Variants in KCTD17 observed in about 807,000 individuals in gnomAD.
KCTD17 encodes BTB/POZ domain-containing protein KCTD17.
A neutral mutation model predicts 41.5 loss-of-function variants in KCTD17; 20 were observed. The observed-to-expected ratio is 0.48, with a 90% confidence interval of 0.34 to 0.70. KCTD17 has a LOEUF of 0.70. Ranked by LOEUF, KCTD17 falls within the 30% of genes least tolerant of loss-of-function variation. KCTD17 has a pLI of 0.01. For synonymous variants in KCTD17, 156 were observed against 173.8 expected, an observed-to-expected ratio of 0.90 and a Z score of 0.80; for missense variants, 317 against 427.2, an observed-to-expected ratio of 0.74 and a Z score of 2.27.
At chr22:37,060,711 G>C (rs1311126888) in intron 5 of KCTD17, 112 bp from the exon 6 acceptor site, 16 of 1,398,574 alleles carry the variant, frequency 1.1e-5, no homozygotes, top group African/African-American at 2.9e-5. Context: ...CCCCTCTCCT[G>C]AGGTCCCTTT....
chr22:37,059,292 C>G, intron 4 of KCTD17, 21 bp from the exon 5 acceptor site: 1 of 1,610,630 alleles, frequency 6.2e-7, no homozygotes, highest in Non-Finnish European at 8.5e-7. Context: ...GCATTTTTCT[C>G]CCCATGCTCC....
At chr22:37,057,775 G>A (rs576649422) in intron 4 of KCTD17, among the ~76,000 whole-genome samples, 2 of 152,348 alleles carry the variant, frequency 1.3e-5, no homozygotes, top group African/African-American at 4.8e-5. Flanking sequence ...TCTATCTGGT[G>A]GCATGAGTGA....
At chr22:37,056,823 G>A (rs1449359768) in intron 3 of KCTD17, among the ~76,000 whole-genome samples, 2 of 152,156 alleles carry the variant, frequency 1.3e-5, no homozygotes, top group African/African-American at 2.4e-5. Context: ...TCAGATGGTC[G>A]CCTGGTGGGC....
chr22:37,058,185 G>A (rs1041127886), intron 4 of KCTD17, among the ~76,000 whole-genome samples: 2 of 152,210 alleles, frequency 1.3e-5, no homozygotes, highest in Admixed American at 6.5e-5. Context: ...GGGTTGGCTA[G>A]CCTTTCTCCA....
chr22:37,057,318 G>A, intron 3 of KCTD17, 80 bp from the exon 4 acceptor site: 1 of 1,027,558 alleles, frequency 9.7e-7, no homozygotes, highest in Non-Finnish European at 1.5e-6. Context: ...TTGCGGGGGT[G>A]GTGGCAGCAG....
chr22:37,062,814 T>C lies in KCTD17; in HGVS notation c.*220T>C, dbSNP rs960207120. On this transcript the variant is annotated 3_prime_UTR_variant, in exon 9 of 9. Transcript: ENST00000403888. ...AGATGTGTGGCAATGTCTGGCTGTGTCTCTCCGGCACCTGCGTCCCCTCTC... is the reference window on the plus strand; with the variant it reads ...AGATGTGTGGCAATGTCTGGCTGTGCCTCTCCGGCACCTGCGTCCCCTCTC... 1.6e-5 allele frequency: 17 copies of C among 1,044,376 alleles called. No homozygotes were observed. Among genetic ancestry groups the C allele is most frequent in the Middle Eastern group, 6.4e-4 (2 of 3,148 alleles). The allele number at this position is 1,044,376 out of a possible 1,614,324, so 64.7% of individuals were successfully genotyped here. A position where few individuals can be genotyped will look rare whatever the true frequency, so the allele number is the denominator to read the frequency against.
rs188337530 is a variant in KCTD17 at position 37,062,628 on chromosome 22, G to A, written c.*34G>A. 514 of 1,597,918 alleles carry A rather than the reference G, an allele frequency of 3.2e-4. 2 individuals carry two copies. In the African/African-American group the frequency reaches 4.7e-3, roughly 14 times the overall value. On this transcript the variant is annotated 3_prime_UTR_variant, in exon 9 of 9. Transcript: ENST00000403888. Reference sequence around the variant, plus strand: ...ATTTTTGTACCATGGGGTGGGCCCCGGGCCTGAGAAGGAAGAAGCACCCTC... The same window carrying A: ...ATTTTTGTACCATGGGGTGGGCCCCAGGCCTGAGAAGGAAGAAGCACCCTC...
In KCTD17 at chr22:37,051,791, C is replaced by T; in HGVS notation, c.31C>T (p.Pro11Ser). 8.0e-7 allele frequency: 1 copy of T among 1,256,546 alleles called. No individual in the cohort carries two copies. The highest frequency in any genetic ancestry group is 1.0e-6 in the Non-Finnish European group (1 of 1,002,326). The allele number at this position is 1,256,546 out of a possible 1,614,324, so 77.8% of individuals were successfully genotyped here. A position where few individuals can be genotyped will look rare whatever the true frequency, so the allele number is the denominator to read the frequency against. The change falls in exon 1 of 9, where the codon CCG becomes TCG. Residue 11 changes from proline (P) to serine (S), a missense_variant. By Grantham distance (74) the Pro-to-Ser change is moderately conservative (BLOSUM62 -1). Transcript: ENST00000403888. ...GATGGAGGCCGGGGAGGCAGCGCCG[C>T]CGGCGGGGGCGGGCGGCCGCGCCGC... MRMEAGEAAP[P>S]AGAGGRAAGG...
chr22:37,057,653 G>C (rs2145978764), intron 4 of KCTD17, among the ~76,000 whole-genome samples, 160 bp downstream of exon 4: 1 of 152,318 alleles, frequency 6.6e-6, no homozygotes. Flanking sequence ...AAGGTTAGGA[G>C]AGACCACACT....
chr22:37,060,760 G>T (rs1925680696), intron 5 of KCTD17, 63 bp from the exon 6 acceptor site: 6 of 1,441,448 alleles, frequency 4.2e-6, no homozygotes, highest in Non-Finnish European at 5.5e-6. Flanking sequence ...ATAGCCAGCA[G>T]GCCCTGGCCC....
Position 37,062,582 on chromosome 22 carries a change from G to T in KCTD17, c.933G>T (p.Gly311=). The T allele has an allele frequency of 6.2e-7, 1 of 1,613,226 alleles. No individual in the cohort carries two copies. The highest frequency in any genetic ancestry group is 8.5e-7 in the Non-Finnish European group (1 of 1,179,662). The change falls in exon 9 of 9, where the codon GGG becomes GGT. Residue 311 remains glycine (G), a synonymous_variant. Coordinates refer to ENST00000403888, the MANE Select transcript of KCTD17 (RefSeq NM_001282684.2). The part of the protein sequence containing the change: ...CEAPDHLQGL[G]VPI The stretch of plus-strand genomic sequence containing the variant: ...CCCCAGATCACCTCCAGGGACTTGG[G>T]GTTCCCATCTGAAATCCTTTATTTT...
At chr22:37,056,181 C>T (rs1328075299) in intron 2 of KCTD17, 139 bp from the exon 3 acceptor site, 3 of 634,150 alleles carry the variant, frequency 4.7e-6, no homozygotes, top group Non-Finnish European at 8.4e-6. Flanking sequence ...TCTTACTTGA[C>T]CCCTGAACTC....
At chr22:37,052,099 G>A (rs1924558142) in intron 1 of KCTD17, 150 bp downstream of exon 1, 1 of 950,602 alleles carries the variant, frequency 1.1e-6, no homozygotes, top group East Asian at 3.5e-5. Context: ...AGGAGGAGGG[G>A]AGGGGGAGGT....
rs201608256 is a variant in KCTD17, at chr22:37,061,495, C to A, written c.785-44C>A. On this transcript the variant is annotated intron_variant, in intron 7 of 8. Transcript: ENST00000403888. The surrounding 1 kb of genome is among the most constrained non-coding windows in gnomAD (Gnocchi z 6.6). ...GGGCCCTGGCTGCAGGCCCTGCCCCCCCTCCTCTCCTCCCGGCCTCCTCCT... is the reference window on the plus strand; with the variant it reads ...GGGCCCTGGCTGCAGGCCCTGCCCCACCTCCTCTCCTCCCGGCCTCCTCCT... 4.3e-5 allele frequency: 67 copies of A among 1,575,808 alleles called. No individual in the cohort carries two copies. Among genetic ancestry groups the A allele is most frequent in the South Asian group, 2.4e-4 (21 of 87,602 alleles).
chr22:37,058,718 G>C (rs138793540), intron 4 of KCTD17, among the ~76,000 whole-genome samples: 1 of 152,320 alleles, frequency 6.6e-6, no homozygotes, highest in African/African-American at 2.4e-5. Context: ...AGGGACCCTG[G>C]AACAAGGGCA....
intron 8 of KCTD17, 113 bp from the exon 9 acceptor site, chr22:37,062,412 C>T: frequency 7.2e-7 from 1 of 1,383,416 alleles, no homozygotes; most frequent in Non-Finnish European, 9.5e-7. Context: ...CTCTCTCTCC[C>T]TCTCCCCCAC....
Position 37,053,295 on chromosome 22 carries a change from C to T in KCTD17, c.298+87C>T, listed in dbSNP as rs112009022. 22,629 of 986,570 alleles carry T rather than the reference C, an allele frequency of 0.023. 335 individuals are homozygous for T. Among genetic ancestry groups the T allele is most frequent in the Non-Finnish European group, 0.028 (18,032 of 641,466 alleles). The allele number at this position is 986,570 out of a possible 1,614,324, so 61.1% of individuals were successfully genotyped here. A position where few individuals can be genotyped will look rare whatever the true frequency, so the allele number is the denominator to read the frequency against. On this transcript the variant is annotated intron_variant, in intron 2 of 8. Coordinates refer to ENST00000403888, the MANE Select transcript of KCTD17 (RefSeq NM_001282684.2). The surrounding 1 kb of genome is among the most constrained non-coding windows in gnomAD (Gnocchi z 4.1). Reference sequence around the variant, plus strand: ...CCCCAAGCCATTTGGACAACCAGGACGGCCATCTGCCTGCTTGGTTGTTTC... The same window carrying T: ...CCCCAAGCCATTTGGACAACCAGGATGGCCATCTGCCTGCTTGGTTGTTTC...
chr22:37,053,084 T>TC lies in KCTD17; in HGVS notation c.190-13dup. On this transcript the variant is annotated splice_polypyrimidine_tract_variant and intron_variant, in intron 1 of 8. Coordinates refer to ENST00000403888, the MANE Select transcript of KCTD17 (RefSeq NM_001282684.2). This position sits in a 1 kb window ranked among gnomAD's most constrained non-coding sequence, Gnocchi z 4.1. ...AGCCTCACTCTTCTCTCACCGAGCA[T>TC]CCCTCACCTCCATAGGATGAGACCG... is the stretch of plus-strand genomic sequence containing the variant. 1 of 1,562,042 alleles carries TC rather than the reference T, an allele frequency of 6.4e-7. No homozygotes were observed. Among genetic ancestry groups the TC allele is most frequent in the Non-Finnish European group, 8.7e-7 (1 of 1,150,252 alleles).
Position 37,053,342 on chromosome 22 carries a change from G to A in KCTD17, c.298+134G>A. On this transcript the variant is annotated intron_variant, in intron 2 of 8. Transcript: ENST00000403888. This position sits in a 1 kb window ranked among gnomAD's most constrained non-coding sequence, Gnocchi z 4.1. ...TTTCCTGCCTCTTCCCAGTCGGACGGGGCTGATTCCCAAGCATCTGCCTGT... is the reference window on the plus strand; with the variant it reads ...TTTCCTGCCTCTTCCCAGTCGGACGAGGCTGATTCCCAAGCATCTGCCTGT... 1 of 697,284 alleles carries A rather than the reference G, an allele frequency of 1.4e-6. No homozygotes were observed. Among genetic ancestry groups the A allele is most frequent in the African/African-American group, 1.8e-5 (1 of 56,728 alleles). The allele number at this position is 697,284 out of a possible 1,614,324, so 43.2% of individuals were successfully genotyped here. A position where few individuals can be genotyped will look rare whatever the true frequency, so the allele number is the denominator to read the frequency against.
Sources: allele counts gnomAD v4.1 joint callset (sites outside exome capture counted in the v4.1 genomes callset), GRCh38; gene constraint gnomAD v4.1.1; non-coding constraint Gnocchi (gnomAD v3.1); transcripts MANE v1.5; gene names NCBI Gene and HGNC (gene_info 2026-07-23, HGNC 2026-07-21).